Variants in SLC39A9 observed in about 807,000 individuals in gnomAD.
SLC39A9 encodes the protein zinc transporter ZIP9.
SLC39A9 carries 14 observed loss-of-function variants against 28.4 expected under a neutral mutation model. That is an observed-to-expected ratio of 0.49 (90% CI 0.33 to 0.77). The LOEUF (loss-of-function observed/expected upper bound fraction) is 0.77, where lower values mean the gene tolerates loss of function less well. Ranked by LOEUF, SLC39A9 falls within the 30% of genes least tolerant of loss-of-function variation. SLC39A9 has a pLI of 0.02. For missense variants in SLC39A9, 283 were observed against 381.1 expected, an observed-to-expected ratio of 0.74 and a Z score of 2.14; for synonymous variants, 119 against 149.6, an observed-to-expected ratio of 0.80 and a Z score of 1.49.
intron 2 of SLC39A9, 22 bp from the exon 3 acceptor site, chr14:69,442,047 T>C: frequency 6.2e-7 from 1 of 1,605,124 alleles, no homozygotes; most frequent in Non-Finnish European, 8.5e-7. Flanking sequence ...ATATTTTCTC[T>C]TTATGGTTTA....
chr14:69,445,022 G>C (rs1885226365), intron 3 of SLC39A9, among the ~76,000 whole-genome samples: 1 of 151,042 alleles, frequency 6.6e-6, no homozygotes, highest in Non-Finnish European at 1.5e-5. Flanking sequence ...GAACTGATAG[G>C]GAGAGATTTC....
chr14:69,398,682 T>A (rs1882443881), upstream of SLC39A9: 3 of 239,378 alleles, frequency 1.3e-5, no homozygotes, highest in Non-Finnish European at 2.5e-5. Context: ...AATCCGGAAG[T>A]GGATGGAATG....
At chr14:69,421,954 G>A (rs761825435) in intron 1 of SLC39A9, among the ~76,000 whole-genome samples, 8 of 152,156 alleles carry the variant, frequency 5.3e-5, no homozygotes, top group East Asian at 1.9e-4. Flanking sequence ...GACCCCTTGC[G>A]CTTCCCTGGG....
intron 1 of SLC39A9, among the ~76,000 whole-genome samples, chr14:69,422,889 T>C (rs1043756162): frequency 2.6e-5 from 4 of 152,226 alleles, no homozygotes; most frequent in Non-Finnish European, 4.4e-5. Flanking sequence ...TAAGTCATAT[T>C]AGGGTATACT....
intron 4 of SLC39A9, among the ~76,000 whole-genome samples, chr14:69,453,925 T>C (rs1885735953): frequency 6.6e-6 from 1 of 152,254 alleles, no homozygotes; most frequent in Non-Finnish European, 1.5e-5. Context: ...AGAAGTTTGC[T>C]CTTTTCATTC....
At chr14:69,424,285 G>T (rs1271481058) in intron 2 of SLC39A9, 83 bp downstream of exon 2, 1 of 1,009,388 alleles carries the variant, frequency 9.9e-7, no homozygotes, top group Non-Finnish European at 1.5e-6. Context: ...TGTTTTCTGA[G>T]CACAGTTCAT....
chr14:69,451,055 A>G (rs1885586560), intron 3 of SLC39A9, among the ~76,000 whole-genome samples: 1 of 152,200 alleles, frequency 6.6e-6, no homozygotes, highest in Non-Finnish European at 1.5e-5. Context: ...TTAAGATCCT[A>G]AGTATAACTG....
chr14:69,451,146 G>A (rs1370339043), intron 3 of SLC39A9, among the ~76,000 whole-genome samples: 4 of 152,224 alleles, frequency 2.6e-5, no homozygotes, highest in Non-Finnish European at 2.9e-5. Context: ...GTTCAGGGTA[G>A]CATTGAGCTA....
At chr14:69,432,798 C>T (rs1159672311) in intron 2 of SLC39A9, among the ~76,000 whole-genome samples, 1 of 152,058 alleles carries the variant, frequency 6.6e-6, no homozygotes, top group East Asian at 1.9e-4. Flanking sequence ...CATTTATTGA[C>T]TAGGGAGTCC....
At chr14:69,423,856 C>T (rs1884033129) in intron 1 of SLC39A9, among the ~76,000 whole-genome samples, 1 of 151,050 alleles carries the variant, frequency 6.6e-6, no homozygotes, top group African/African-American at 2.4e-5. Context: ...CGAGACCACG[C>T]CACTGCCTCA....
chr14:69,460,586 T>C lies in SLC39A9; in HGVS notation c.*1993T>C. 3 of 985,322 alleles carry C rather than the reference T, an allele frequency of 3.0e-6. No individual in the cohort carries two copies. Among genetic ancestry groups the C allele is most frequent in the Non-Finnish European group, 3.6e-6 (3 of 829,780 alleles). The allele number at this position is 985,322 out of a possible 1,614,324, so 61.0% of individuals were successfully genotyped here. A position where few individuals can be genotyped will look rare whatever the true frequency, so the allele number is the denominator to read the frequency against. On this transcript the variant is annotated 3_prime_UTR_variant, in exon 7 of 7. Transcript: ENST00000336643. ...TTGGACAGTAGTGCTTTCTATCATA[T>C]TGTTGTGTGCAATGGTAATTTGTTC... is the stretch of plus-strand genomic sequence containing the variant.
chr14:69,440,002 T>A (rs964255154), intron 2 of SLC39A9, among the ~76,000 whole-genome samples: 3 of 152,180 alleles, frequency 2.0e-5, no homozygotes, highest in Non-Finnish European at 4.4e-5. Context: ...CAGTTCAGCA[T>A]GGCTGGGGAG....
Position 69,460,828 on chromosome 14 carries a change from T to C in SLC39A9, c.*2235T>C. On this transcript the variant is annotated 3_prime_UTR_variant, in exon 7 of 7. Coordinates refer to ENST00000336643, the MANE Select transcript of SLC39A9 (RefSeq NM_018375.5). ...GGGCTTTCCCAGATTTTAAAGCTGC[T>C]GCCTCGAGAACTACTCATTTCTCTC... is the stretch of plus-strand genomic sequence containing the variant. The C allele has an allele frequency of 4.1e-6, 4 of 985,470 alleles. No individual in the cohort carries two copies. Among genetic ancestry groups the C allele is most frequent in the Non-Finnish European group, 3.6e-6 (3 of 829,952 alleles). The allele number at this position is 985,470 out of a possible 1,614,324, so 61.0% of individuals were successfully genotyped here. A position where few individuals can be genotyped will look rare whatever the true frequency, so the allele number is the denominator to read the frequency against.
At position 69,459,231 on chromosome 14, in the gene SLC39A9, C is replaced by G. The variant is rs921887654; in HGVS notation, c.*638C>G. The G allele has an allele frequency of 9.1e-6, 9 of 985,340 alleles. No homozygotes were observed. The highest frequency in any genetic ancestry group is 1.1e-5 in the Non-Finnish European group (9 of 829,954). The allele number at this position is 985,340 out of a possible 1,614,324, so 61.0% of individuals were successfully genotyped here. ...GATGTCTAGAGGGATTTAAACAGCT[C>G]CTTTGGCACGTGCCTCTCTGAATCC... On this transcript the variant is annotated 3_prime_UTR_variant, in exon 7 of 7. Coordinates refer to ENST00000336643, the MANE Select transcript of SLC39A9 (RefSeq NM_018375.5).
At chr14:69,403,283 T>A (rs1339741112) in intron 1 of SLC39A9, among the ~76,000 whole-genome samples, 1 of 152,174 alleles carries the variant, frequency 6.6e-6, no homozygotes, top group Non-Finnish European at 1.5e-5. Flanking sequence ...GTTGAGAGCC[T>A]ATATTACCTA....
chr14:69,448,989 T>A (rs1224788003), intron 3 of SLC39A9, among the ~76,000 whole-genome samples: 2 of 151,684 alleles, frequency 1.3e-5, no homozygotes, highest in African/African-American at 4.8e-5. Context: ...GATGTATGAA[T>A]TTTTTTTTAC....
rs183141223 is a variant in SLC39A9 at position 69,446,290 on chromosome 14, A to G, written c.403+4024A>G. ...TATATTTATATATACATATATATAT[A>G]TATATGTCCTAGCTCTGTCTGAAGA... On this transcript the variant is annotated intron_variant, in intron 3 of 6. Transcript: ENST00000336643. 2.0e-5 allele frequency among the ~76,000 whole-genome samples: 3 copies of G among 150,508 alleles called. No individual in the cohort carries two copies. In the East Asian group the frequency reaches 5.8e-4, roughly 29 times the overall value.
At chr14:69,454,968 G>T in intron 5 of SLC39A9, 71 bp downstream of exon 5, 2 of 1,152,546 alleles carry the variant, frequency 1.7e-6, no homozygotes, top group Non-Finnish European at 2.5e-6. Flanking sequence ...GGTCCTTAAT[G>T]TTTTTCCTGG....
rs75750512 is a variant in SLC39A9, at chr14:69,405,153, A to G, written c.96+5688A>G. 1.1e-3 allele frequency among the ~76,000 whole-genome samples: 173 copies of G among 152,346 alleles called. 2 individuals are homozygous for G. In the East Asian group the frequency reaches 0.023, roughly 21 times the overall value. On this transcript the variant is annotated intron_variant, in intron 1 of 6. Transcript: ENST00000336643. ...CATGACCTCCCACCAGGTCCCTCGC[A>G]TGGGAACTACAACTCAAGATGAGAT...
Sources: gnomAD v4.1 joint callset for allele counts (sites outside exome capture counted in the v4.1 genomes callset) on GRCh38, gnomAD v4.1.1 for gene constraint, MANE v1.5 for transcripts, NCBI Gene and HGNC (gene_info 2026-07-23, HGNC 2026-07-21) for gene names.